The following R3HDM1 variants were observed in gnomAD, a reference collection of about 807,000 sequenced individuals.
R3HDM1 encodes R3H domain containing 1, also known as R3H domain-containing protein 1.
In R3HDM1, 46 loss-of-function variants were observed where a neutral mutation model predicts 141.1. The observed-to-expected ratio is 0.33, with a 90% CI of 0.26 to 0.42. The LOEUF is 0.42. Ranked by LOEUF, R3HDM1 falls within the 10% of genes least tolerant of loss-of-function variation. R3HDM1 has a pLI of 1.00. For missense variants in R3HDM1, 1,184 were observed against 1,368.3 expected (o/e 0.87, Z 2.12); for synonymous variants, 435 against 472.9 (o/e 0.92, Z 1.04).
chr2:135,549,244 T>C (rs573213047), intron 1 of R3HDM1, among the ~76,000 whole-genome samples: 101 of 152,168 alleles, frequency 6.6e-4, no homozygotes, highest in African/African-American at 2.4e-3. Flanking sequence ...GGTTTTGTTT[T>C]GGTTTGTTTT....
chr2:135,695,109 C>A (rs1308417945), intron 21 of R3HDM1, among the ~76,000 whole-genome samples: 1 of 152,126 alleles, frequency 6.6e-6, no homozygotes, highest in Non-Finnish European at 1.5e-5. Flanking sequence ...CCTGAAAAAT[C>A]ATAAAAGCAA....
chr2:135,626,939 C>T (rs2062108213), intron 7 of R3HDM1, among the ~76,000 whole-genome samples: 1 of 152,138 alleles, frequency 6.6e-6, no homozygotes, highest in African/African-American at 2.4e-5. Context: ...GGCTTTTATT[C>T]ACTTAGCATA....
chr2:135,672,070 T>C (rs1398465842), intron 19 of R3HDM1, among the ~76,000 whole-genome samples: 1 of 152,120 alleles, frequency 6.6e-6, no homozygotes, highest in Admixed American at 6.5e-5. Flanking sequence ...CATAAGAGAA[T>C]GGACAAAATC....
intron 23 of R3HDM1, among the ~76,000 whole-genome samples, chr2:135,712,602 T>C (rs2075776912): frequency 6.6e-6 from 1 of 151,888 alleles, no homozygotes; most frequent in Non-Finnish European, 1.5e-5. Context: ...AGATACAGGT[T>C]GGGCATGGTG....
At position 135,723,835 on chromosome 2, in the gene R3HDM1, T is replaced by C. The variant is rs17653321; in HGVS notation, c.3050-102T>C. 6.3e-3 allele frequency: 4,992 copies of C among 796,492 alleles called. 80 individuals are homozygous for C. The highest frequency in any genetic ancestry group is 0.037 in the South Asian group (2,000 of 53,924). 49.3% of individuals were successfully genotyped at this position (796,492 alleles called of 1,614,324 possible). ...GCCCTAACAGTTTTAATTTTGTGTA[T>C]TCGAATGGTCATTTCCCATGTCATA... is the stretch of plus-strand genomic sequence containing the variant. On this transcript the variant is annotated intron_variant, in intron 26 of 26. Transcript: ENST00000683871.
At chr2:135,648,358 T>A (rs1465253840) in intron 16 of R3HDM1, among the ~76,000 whole-genome samples, 1 of 152,244 alleles carries the variant, frequency 6.6e-6, no homozygotes, top group Non-Finnish European at 1.5e-5. Context: ...ATTATCTATC[T>A]ATGATGTCAT....
At position 135,553,715 on chromosome 2, in the gene R3HDM1, G is replaced by A. The variant is rs186963019; in HGVS notation, c.-250+22082G>A. 2.9e-4 allele frequency among the ~76,000 whole-genome samples: 44 copies of A among 152,116 alleles called. No individual in the cohort carries two copies. The East Asian group carries it at 6.8e-3, about 23-fold the overall frequency. Reference sequence around the variant, plus strand: ...TTGTTTGTTTGTTTGTTTTTGAGACGGAGTCTCACTCTGTCGCCCAGGCTG... The same window carrying A: ...TTGTTTGTTTGTTTGTTTTTGAGACAGAGTCTCACTCTGTCGCCCAGGCTG... On this transcript the variant is annotated intron_variant, in intron 1 of 26. Coordinates refer to ENST00000683871, the MANE Select transcript of R3HDM1 (RefSeq NM_001378107.1).
chr2:135,639,086 G>C lies in R3HDM1; in HGVS notation c.1183G>C (p.Gly395Arg). ...ISVLTRGDSS[G>R]SSKSIGRLSK... ...AGTCCTGACAAGAGGTGATAGTTCT[G>C]GAAGCAGCAAAAGCATAGGCAGGCT... The change falls in exon 14 of 27, where the codon GGA becomes CGA. Residue 395 changes from glycine (G) to arginine (R), a missense_variant. Physicochemically the swap from Gly to Arg is moderately radical, Grantham distance 125. Coordinates refer to ENST00000683871, the MANE Select transcript of R3HDM1 (RefSeq NM_001378107.1). 1 of 1,614,102 alleles carries C rather than the reference G, an allele frequency of 6.2e-7. No homozygotes were observed. Among genetic ancestry groups the C allele is most frequent in the Non-Finnish European group, 8.5e-7 (1 of 1,180,016 alleles).
intron 25 of R3HDM1, 116 bp downstream of exon 25, chr2:135,722,122 C>T: frequency 2.0e-6 from 2 of 984,028 alleles, no homozygotes; most frequent in Non-Finnish European, 3.2e-6. Flanking sequence ...CTCTGTGCCT[C>T]AGCCAGTTGG....
intron 23 of R3HDM1, among the ~76,000 whole-genome samples, chr2:135,713,581 A>C (rs1355236003): frequency 6.6e-6 from 1 of 152,248 alleles, no homozygotes; most frequent in Non-Finnish European, 1.5e-5. Context: ...GACATTCACC[A>C]GTGGGTAACT....
At chr2:135,703,756 T>G (rs2074535139) in intron 21 of R3HDM1, among the ~76,000 whole-genome samples, 2 of 152,148 alleles carry the variant, frequency 1.3e-5, no homozygotes, top group African/African-American at 4.8e-5. Context: ...AAATGACACA[T>G]TAAAGATTTT....
At position 135,723,983 on chromosome 2, in the gene R3HDM1, T is replaced by C. The variant is rs781011640; in HGVS notation, c.3096T>C (p.Thr1032=). 6.2e-7 allele frequency: 1 copy of C among 1,614,000 alleles called. No homozygotes were observed. The highest frequency in any genetic ancestry group is 1.7e-5 in the Admixed American group (1 of 59,988). ...TTACTGAACTACCAGATGGAATAAC[T>C]CGCATGGAAGCTGAAAAGCTTTTTG... ...LEITELPDGI[T]RMEAEKLFGE... is the part of the protein sequence containing the mutation. The change falls in exon 27 of 27, where the codon ACT becomes ACC. Residue 1032 remains threonine (T), a synonymous_variant. Coordinates refer to ENST00000683871, the MANE Select transcript of R3HDM1 (RefSeq NM_001378107.1).
chr2:135,709,454 A>C lies in R3HDM1; in HGVS notation c.2481A>C (p.Gln827His). The C allele has an allele frequency of 1.2e-6, 2 of 1,614,162 alleles. No individual in the cohort carries two copies. Reference protein sequence around the residue: ...NNLSSSVGYLQHPGSEQVQFP... With the variant: ...NNLSSSVGYLHHPGSEQVQFP... The stretch of plus-strand genomic sequence containing the variant: ...ATAGCTCTTCAGTAGGTTACCTGCA[A>C]CATCCAGGATCAGAACAAGTACAAT... Residue 827 changes from glutamine to histidine, a missense_variant, in exon 22 of 27, where the codon CAA becomes CAC. Physicochemically the swap from Gln to His is conservative, Grantham distance 24. Around this residue, in one of 5 missense-constraint regions of R3HDM1, gnomAD observed 563 missense variants for 562.0 expected, o/e 1.00. Transcript: ENST00000683871.
At chr2:135,532,865 A>G (rs1444227202) in intron 1 of R3HDM1, among the ~76,000 whole-genome samples, 6 of 151,960 alleles carry the variant, frequency 3.9e-5, no homozygotes, top group Non-Finnish European at 1.5e-5. Context: ...TTCAAATACC[A>G]CTCTGCTTTT....
In R3HDM1 at chr2:135,710,051, A is replaced by G; in HGVS notation, c.2564-8A>G. The G allele has an allele frequency of 6.2e-7, 1 of 1,612,212 alleles. No homozygotes were observed. ...TCTGACTATAGCATCCTAAATTCTG[A>G]TTTTCAGCTGGACCACCACCGCCAC... On this transcript the variant is annotated splice_region_variant and splice_polypyrimidine_tract_variant and intron_variant, in intron 22 of 26. Transcript: ENST00000683871.
chr2:135,597,659 G>A (rs561682158), intron 1 of R3HDM1, among the ~76,000 whole-genome samples: 61 of 152,182 alleles, frequency 4.0e-4, no homozygotes, highest in Non-Finnish European at 1.5e-5. Context: ...TAATGAAACG[G>A]GATTGGATAA....
At chr2:135,576,472 GAATA>G (rs1705450752) in intron 1 of R3HDM1, among the ~76,000 whole-genome samples, 1 of 152,128 alleles carries the variant, frequency 6.6e-6, no homozygotes, top group African/African-American at 2.4e-5. Context: ...TGATACCACT[GAATA>G]AATAGTACTG....
intron 1 of R3HDM1, among the ~76,000 whole-genome samples, chr2:135,600,929 G>A (rs1213444374): frequency 6.6e-6 from 1 of 152,028 alleles, no homozygotes; most frequent in Non-Finnish European, 1.5e-5. Flanking sequence ...TCACCTCTTC[G>A]GTTTTGCCCC....
At chr2:135,626,369 A>G (rs894693436) in intron 7 of R3HDM1, among the ~76,000 whole-genome samples, 2 of 152,180 alleles carry the variant, frequency 1.3e-5, no homozygotes, top group Non-Finnish European at 2.9e-5. Context: ...CAAGTACCAA[A>G]AATAATTTGT....
Sources: gnomAD v4.1 joint callset for allele counts (sites outside exome capture counted in the v4.1 genomes callset) on GRCh38, gnomAD v4.1.1 for gene constraint, gnomAD v4.1.1 regional missense constraint, MANE v1.5 for transcripts, NCBI Gene and HGNC (gene_info 2026-07-23, HGNC 2026-07-21) for gene names.